GRIP1: variants seen among roughly 807,000 people sequenced by gnomAD.
GRIP1 encodes glutamate receptor-interacting protein 1.
In GRIP1, 45 loss-of-function variants were observed where a neutral mutation model predicts 129.9. That is an observed-to-expected ratio of 0.35 (90% CI 0.27 to 0.44). GRIP1 has a LOEUF of 0.44. Among genes scored for constraint, GRIP1 ranks in the 20% least tolerant of loss-of-function variants. The pLI, the probability that GRIP1 is intolerant of heterozygous loss-of-function variation, is 1.00. For synonymous variants in GRIP1, 530 were observed against 520.8 expected (o/e 1.02, Z -0.24); for missense variants, 1,196 against 1,396.8 (o/e 0.86, Z 2.29).
intron 2 of GRIP1, among the ~76,000 whole-genome samples, chr12:66,594,764 A>G (rs1374438463): frequency 6.6e-6 from 1 of 152,162 alleles, no homozygotes; most frequent in Non-Finnish European, 1.5e-5. Context: ...TAGTGGGGGC[A>G]CAAGTGGACA....
At chr12:66,585,293 C>T (rs1376711630) in intron 2 of GRIP1, among the ~76,000 whole-genome samples, 3 of 130,992 alleles carry the variant, frequency 2.3e-5, no homozygotes, top group Non-Finnish European at 1.6e-5. Context: ...TGATATTCCC[C>T]TTCCTGTGTC....
At chr12:67,032,927 AT>A (rs1343226263) in intron 1 of GRIP1, among the ~76,000 whole-genome samples, 2 of 152,104 alleles carry the variant, frequency 1.3e-5, no homozygotes, top group East Asian at 3.8e-4. Flanking sequence ...GGTAACCAAT[AT>A]AAAAATGATT....
At chr12:66,393,319 C>A (rs1245716947) in intron 17 of GRIP1, among the ~76,000 whole-genome samples, 1 of 151,848 alleles carries the variant, frequency 6.6e-6, no homozygotes, top group Non-Finnish European at 1.5e-5. Context: ...GCTGGGATTA[C>A]AGGCAAGCAC....
intron 1 of GRIP1, among the ~76,000 whole-genome samples, chr12:66,644,764 A>G (rs2032217604): frequency 6.6e-6 from 1 of 152,216 alleles, no homozygotes; most frequent in Admixed American, 6.5e-5. Flanking sequence ...TGTTTTTGCA[A>G]TTATGAAAGA....
At chr12:66,688,640 C>A (rs2034865865) in intron 1 of GRIP1, among the ~76,000 whole-genome samples, 2 of 152,104 alleles carry the variant, frequency 1.3e-5, no homozygotes, top group Middle Eastern at 6.8e-3. Flanking sequence ...ATTACCAAAA[C>A]CCAGAAGGGT....
At chr12:66,567,362 C>T (rs1373247169) in intron 2 of GRIP1, among the ~76,000 whole-genome samples, 1 of 152,124 alleles carries the variant, frequency 6.6e-6, no homozygotes, top group African/African-American at 2.4e-5. Context: ...ATCTTTATTT[C>T]TGCCTTCATT....
intron 7 of GRIP1, among the ~76,000 whole-genome samples, chr12:66,502,390 G>T (rs2060416782): frequency 6.6e-6 from 1 of 152,142 alleles, no homozygotes; most frequent in Non-Finnish European, 1.5e-5. Flanking sequence ...TCTAGAAGGA[G>T]CTCCTAAATT....
At chr12:66,865,121 C>T (rs762614575) in intron 1 of GRIP1, among the ~76,000 whole-genome samples, 5 of 152,000 alleles carry the variant, frequency 3.3e-5, no homozygotes, top group Non-Finnish European at 2.9e-5. Flanking sequence ...AGATGAAAGC[C>T]CAGCAGCAAG....
intron 1 of GRIP1, among the ~76,000 whole-genome samples, chr12:66,977,980 G>C (rs983623706): frequency 1.3e-5 from 2 of 150,848 alleles, no homozygotes; most frequent in Non-Finnish European, 3.0e-5. Context: ...AACTGGCTAA[G>C]TTTTTTTTTA....
chr12:67,018,466 G>A (rs1009700824), intron 1 of GRIP1, among the ~76,000 whole-genome samples: 4 of 152,140 alleles, frequency 2.6e-5, no homozygotes, highest in African/African-American at 4.8e-5. Flanking sequence ...CTTGAATTCC[G>A]CAACAGATAA....
intron 1 of GRIP1, among the ~76,000 whole-genome samples, chr12:66,768,645 T>C (rs904490362): frequency 1.3e-5 from 2 of 152,226 alleles, no homozygotes; most frequent in African/African-American, 4.8e-5. Flanking sequence ...GCACAGGTCA[T>C]AGTGTAAGGA....
intron 14 of GRIP1, among the ~76,000 whole-genome samples, chr12:66,421,139 G>T (rs1377856712): frequency 1.3e-5 from 2 of 152,192 alleles, no homozygotes; most frequent in Non-Finnish European, 2.9e-5. Flanking sequence ...GCTCCCCTTA[G>T]TTACCCCTTC....
At chr12:66,656,036 T>C (rs375160230) in intron 1 of GRIP1, among the ~76,000 whole-genome samples, 1 of 152,302 alleles carries the variant, frequency 6.6e-6, no homozygotes, top group African/African-American at 2.4e-5. Flanking sequence ...TTGACACCTA[T>C]AAATATATAG....
chr12:66,854,577 A>G (rs1400055841), intron 1 of GRIP1, among the ~76,000 whole-genome samples: 1 of 152,056 alleles, frequency 6.6e-6, no homozygotes, highest in East Asian at 1.9e-4. Flanking sequence ...CTTAGACTTC[A>G]TTATCTCCAA....
rs149878881 is a variant in GRIP1 at position 66,935,617 on chromosome 12, T to C, written c.58+133433A>G. On this transcript the variant is annotated intron_variant, in intron 1 of 1. Coordinates refer to the GRIP1 transcript ENST00000643019. Reference sequence around the variant, plus strand: ...CAAATTAAATTTAAAGGAGTTTAATTGAGCAATGAATGATTCACAAATTGG... The same window carrying C: ...CAAATTAAATTTAAAGGAGTTTAATCGAGCAATGAATGATTCACAAATTGG... Among the ~76,000 whole-genome samples the C allele has an allele frequency of 8.5e-3, 1,299 of 152,254 alleles. 22 individuals carry two copies. Among genetic ancestry groups the C allele is most frequent in the African/African-American group, 0.03 (1,236 of 41,550 alleles).
intron 1 of GRIP1, among the ~76,000 whole-genome samples, chr12:66,972,206 T>C (rs2042085118): frequency 6.6e-6 from 1 of 152,168 alleles, no homozygotes; most frequent in African/African-American, 2.4e-5. Flanking sequence ...TTAAACACCC[T>C]AAGGTTCTGG....
At chr12:66,809,301 C>T (rs2039057762) in intron 1 of GRIP1, among the ~76,000 whole-genome samples, 2 of 152,154 alleles carry the variant, frequency 1.3e-5, no homozygotes, top group Admixed American at 6.6e-5. Context: ...TTAGGGGGTT[C>T]CCTTCAATGC....
chr12:66,416,959 AAAG>A (rs1237353595), intron 15 of GRIP1, among the ~76,000 whole-genome samples: 5 of 151,880 alleles, frequency 3.3e-5, no homozygotes, highest in African/African-American at 1.2e-4. Context: ...ACACACACAC[AAAG>A]AAAAGAAAAG....
intron 1 of GRIP1, among the ~76,000 whole-genome samples, chr12:66,801,993 G>A (rs749229961): frequency 1.3e-5 from 2 of 152,106 alleles, no homozygotes; most frequent in Non-Finnish European, 2.9e-5. Flanking sequence ...CCATTTGAGA[G>A]GACTGGTTTT....
Sources: allele counts gnomAD v4.1 joint callset (sites outside exome capture counted in the v4.1 genomes callset), GRCh38; gene constraint gnomAD v4.1.1; transcripts MANE v1.5; gene names NCBI Gene and HGNC (gene_info 2026-07-23, HGNC 2026-07-21).